Variants in SLC26A5 observed in about 807,000 individuals in gnomAD.
SLC26A5 encodes the protein solute carrier family 26 member 5.
Under a neutral mutation model 81.0 loss-of-function variants are expected in SLC26A5, and 51 were observed. The observed-to-expected ratio is 0.63, with a 90% CI of 0.50 to 0.80. The LOEUF (loss-of-function observed/expected upper bound fraction) is 0.80, where lower values mean the gene tolerates loss of function less well. Among genes scored for constraint, SLC26A5 ranks in the 30% least tolerant of loss-of-function variants. The probability of loss-of-function intolerance (pLI) is 0.00; values close to 1 mark genes in which losing one functional copy is unlikely to be tolerated. For missense variants in SLC26A5, 771 were observed against 905.8 expected (o/e 0.85, Z 1.91); for synonymous variants, 325 against 332.8 (o/e 0.98, Z 0.25).
At chr7:103,400,635 T>C (rs983744383) in intron 8 of SLC26A5, among the ~76,000 whole-genome samples, 1 of 152,206 alleles carries the variant, frequency 6.6e-6, no homozygotes, top group East Asian at 1.9e-4. Context: ...TCATGAAGTC[T>C]TTGCCCATGC....
Position 103,407,978 on chromosome 7 carries a change from A to G in SLC26A5, c.761T>C (p.Val254Ala). ...TAGGGAACACACGTTGAGGTTTTTA[A>G]CATTCTGCAACACAGCAACTGTACT... ...VYSTVAVLQN[V>A]KNLNVCSLGV... The change falls in exon 8 of 20, where the codon GTT (valine) becomes GCT (alanine). Residue 254 changes from valine to alanine, a missense_variant. Coordinates refer to ENST00000306312, the MANE Select transcript of SLC26A5 (RefSeq NM_198999.3). The G allele has an allele frequency of 6.2e-7, 1 of 1,614,178 alleles. No homozygotes were observed. Among genetic ancestry groups the G allele is most frequent in the Non-Finnish European group, 8.5e-7 (1 of 1,180,026 alleles).
At chr7:103,405,126 A>G (rs1403268166) in intron 8 of SLC26A5, among the ~76,000 whole-genome samples, 1 of 152,094 alleles carries the variant, frequency 6.6e-6, no homozygotes, top group Non-Finnish European at 1.5e-5. Flanking sequence ...TTGGGTTAGA[A>G]TATGTTCCTT....
intron 14 of SLC26A5, 134 bp from the exon 15 acceptor site, chr7:103,380,683 G>A (rs959683188): frequency 8.4e-5 from 64 of 761,970 alleles, no homozygotes; most frequent in Admixed American, 2.6e-4. Context: ...TGGTGCCTTT[G>A]CAGAAGGGCT....
chr7:103,367,887 T>G lies in SLC26A5; in HGVS notation c.2041+8921A>C. ...TAATTAAGCCCGTTTATTTTCTTTT[T>G]GTTTGAAAGGTGCTGAGATTAGAAG... On this transcript the variant is annotated intron_variant, in intron 19 of 19. Transcript: ENST00000339444. The surrounding 1 kb of genome is among the most constrained non-coding windows in gnomAD (Gnocchi z 6.1). 1.9e-6 allele frequency: 3 copies of G among 1,611,682 alleles called. No homozygotes were observed. Among genetic ancestry groups the G allele is most frequent in the Non-Finnish European group, 2.5e-6 (3 of 1,179,082 alleles).
At chr7:103,386,879 A>T (rs561378796) in intron 14 of SLC26A5, among the ~76,000 whole-genome samples, 3 of 151,576 alleles carry the variant, frequency 2.0e-5, no homozygotes, top group Non-Finnish European at 4.4e-5. Context: ...TTTCTGCCTC[A>T]CCCTCCTGAG....
intron 19 of SLC26A5, chr7:103,353,838 C>T: frequency 1.7e-6 from 2 of 1,182,720 alleles, no homozygotes; most frequent in Non-Finnish European, 1.2e-6. Flanking sequence ...TTGAATCGAA[C>T]AGAAAAAAAG....
chr7:103,380,565 G>A lies in SLC26A5; in HGVS notation c.1515-16C>T, dbSNP rs778027544. On this transcript the variant is annotated splice_polypyrimidine_tract_variant and intron_variant, in intron 14 of 19. Coordinates refer to ENST00000306312, the MANE Select transcript of SLC26A5 (RefSeq NM_198999.3). ...GTAGCTTGGACTGAAGATAAAGAGT[G>A]TTAAATACCATTGTGTTGAGGCACA... The A allele has an allele frequency of 1.9e-6, 3 of 1,608,896 alleles. No individual in the cohort carries two copies. Among genetic ancestry groups the A allele is most frequent in the Non-Finnish European group, 2.6e-6 (3 of 1,175,342 alleles).
At chr7:103,382,346 C>CTTTTT (rs755840628) in intron 14 of SLC26A5, among the ~76,000 whole-genome samples, 3 of 114,336 alleles carry the variant, frequency 2.6e-5, no homozygotes, top group Non-Finnish European at 3.5e-5. Flanking sequence ...GCCCTATTTC[C>CTTTTT]TTTTTTTTTT....
chr7:103,420,945 A>C, intron 3 of SLC26A5, 68 bp from the exon 4 acceptor site: 1 of 1,516,854 alleles, frequency 6.6e-7, no homozygotes, highest in East Asian at 2.3e-5. Context: ...TTCAAACCAA[A>C]GCATTTTCCC....
chr7:103,369,368 T>C (rs1820893981), downstream of SLC26A5: 1 of 152,224 alleles, frequency 6.6e-6, no homozygotes, highest in South Asian at 2.1e-4. Context: ...AATGTTTTGA[T>C]TAAATAAATG....
chr7:103,412,386 A>G (rs1824554989), intron 5 of SLC26A5, among the ~76,000 whole-genome samples: 1 of 152,180 alleles, frequency 6.6e-6, no homozygotes, highest in Non-Finnish European at 1.5e-5. Flanking sequence ...TAGTATAAAA[A>G]TAAAAACCAG....
chr7:103,386,738 A>G (rs1418259056), intron 14 of SLC26A5, among the ~76,000 whole-genome samples: 1 of 152,170 alleles, frequency 6.6e-6, no homozygotes, highest in African/African-American at 2.4e-5. Flanking sequence ...TCTATACTGT[A>G]GCTTGTTAAA....
chr7:103,365,112 C>G (rs1162798239), intron 19 of SLC26A5, among the ~76,000 whole-genome samples: 1 of 151,624 alleles, frequency 6.6e-6, no homozygotes, highest in Non-Finnish European at 1.5e-5. Context: ...CTAAAACTTG[C>G]AAGTCAAATT....
At chr7:103,413,151 A>G in intron 4 of SLC26A5, 39 bp from the exon 5 acceptor site, 1 of 1,295,734 alleles carries the variant, frequency 7.7e-7, no homozygotes. Flanking sequence ...GGGGATCATT[A>G]GAAGACAGAG....
chr7:103,397,938 G>C lies in SLC26A5; in HGVS notation c.965C>G (p.Pro322Arg), dbSNP rs752167861. Residue 322 changes from proline (P) to arginine (R), a missense_variant, in exon 9 of 20, where the codon CCT becomes CGT. By Grantham distance (103) the Pro-to-Arg change is moderately radical (BLOSUM62 -2). Coordinates refer to ENST00000306312, the MANE Select transcript of SLC26A5 (RefSeq NM_198999.3). ...SYNVDVVGTL[P>R]LGLLPPANPD... is the part of the protein sequence containing the mutation. ...CTTAAAACCACTTTCCTACCCTAGA[G>C]GAAGTGTTCCAACGACATCCACATT... is the stretch of plus-strand genomic sequence containing the variant. The C allele has an allele frequency of 6.2e-7, 1 of 1,613,456 alleles. No individual in the cohort carries two copies.
chr7:103,399,010 T>G (rs1438727912), intron 8 of SLC26A5, among the ~76,000 whole-genome samples: 1 of 152,202 alleles, frequency 6.6e-6, no homozygotes, highest in Non-Finnish European at 1.5e-5. Flanking sequence ...GGAGCTATAA[T>G]TTTATACAGT....
chr7:103,412,765 G>A (rs1317399865), intron 5 of SLC26A5, among the ~76,000 whole-genome samples: 1 of 151,956 alleles, frequency 6.6e-6, no homozygotes, highest in Non-Finnish European at 1.5e-5. Flanking sequence ...TGGTCTGGCT[G>A]GTCTCGAACT....
At chr7:103,376,171 AT>A (rs1463915275) in intron 19 of SLC26A5, among the ~76,000 whole-genome samples, 1 of 150,438 alleles carries the variant, frequency 6.6e-6, no homozygotes, top group Non-Finnish European at 1.5e-5. Flanking sequence ...TGCCTCCCAG[AT>A]TCAAGACATC....
At chr7:103,431,127 C>T (rs1012251165) in intron 2 of SLC26A5, among the ~76,000 whole-genome samples, 5 of 152,136 alleles carry the variant, frequency 3.3e-5, no homozygotes, top group African/African-American at 1.2e-4. Flanking sequence ...ATGACAGATA[C>T]TTCAATAGAA....
Sources: gnomAD v4.1 joint callset for allele counts (sites outside exome capture counted in the v4.1 genomes callset) on GRCh38, gnomAD v4.1.1 for gene constraint, Gnocchi (gnomAD v3.1) non-coding constraint, MANE v1.5 for transcripts, NCBI Gene and HGNC (gene_info 2026-07-23, HGNC 2026-07-21) for gene names.